TBC1D5: variants seen among roughly 807,000 people sequenced by gnomAD.
TBC1D5 encodes TBC1 domain family, member 5.
Under a neutral mutation model 100.3 loss-of-function variants are expected in TBC1D5, and 75 were observed. The ratio of observed to expected loss-of-function variants is 0.75; its 90% confidence interval spans 0.62 to 0.91. The LOEUF is 0.91. Ranked by LOEUF, TBC1D5 falls within the 40% of genes least tolerant of loss-of-function variation. TBC1D5 has a pLI of 0.00. For missense variants in TBC1D5, 910 were observed against 942.4 expected (o/e 0.97, Z 0.45); for synonymous variants, 323 against 325.6 (o/e 0.99, Z 0.09).
intron 13 of TBC1D5, among the ~76,000 whole-genome samples, chr3:17,345,038 G>A: frequency 6.6e-6 from 1 of 152,070 alleles, no homozygotes; most frequent in East Asian, 1.9e-4. Context: ...AACACCAAAA[G>A]CAATGGCAAC....
At chr3:17,515,701 C>A (rs1259298276) in intron 2 of TBC1D5, among the ~76,000 whole-genome samples, 1 of 152,122 alleles carries the variant, frequency 6.6e-6, no homozygotes, top group Non-Finnish European at 1.5e-5. Flanking sequence ...ACTTTTCTCG[C>A]ATGCAAGCTG....
chr3:17,481,571 A>G (rs2095502927), intron 3 of TBC1D5, among the ~76,000 whole-genome samples: 1 of 152,220 alleles, frequency 6.6e-6, no homozygotes, highest in Non-Finnish European at 1.5e-5. Context: ...TTCACAGAGT[A>G]TGTCCCAAAT....
At chr3:17,266,010 A>G (rs564301710) in intron 15 of TBC1D5, among the ~76,000 whole-genome samples, 36 of 152,248 alleles carry the variant, frequency 2.4e-4, no homozygotes, top group African/African-American at 7.5e-4. Context: ...ATTCCTAAGG[A>G]GACAGTTTGT....
At chr3:17,345,620 C>A (rs1163076619) in intron 13 of TBC1D5, among the ~76,000 whole-genome samples, 1 of 151,584 alleles carries the variant, frequency 6.6e-6, no homozygotes, top group East Asian at 1.9e-4. Flanking sequence ...CACATGCACA[C>A]GTATGTTTAT....
intron 2 of TBC1D5, among the ~76,000 whole-genome samples, chr3:17,580,982 C>T (rs1300949636): frequency 6.6e-6 from 1 of 152,154 alleles, no homozygotes; most frequent in East Asian, 1.9e-4. Flanking sequence ...GGCTGTGCCC[C>T]CACCTAAATC....
chr3:17,265,578 T>A (rs546475391), intron 15 of TBC1D5, among the ~76,000 whole-genome samples: 1 of 152,266 alleles, frequency 6.6e-6, no homozygotes, highest in Non-Finnish European at 1.5e-5. Flanking sequence ...CAGCTGTTTA[T>A]AAGCAAAAAG....
At chr3:17,685,121 A>T (rs1352001916) in intron 1 of TBC1D5, among the ~76,000 whole-genome samples, 1 of 152,084 alleles carries the variant, frequency 6.6e-6, no homozygotes, top group African/African-American at 2.4e-5. Flanking sequence ...TGCACATAAT[A>T]CACAAACATT....
At position 17,469,791 on chromosome 3, in the gene TBC1D5, CATT is replaced by C. The variant is rs552700989; in HGVS notation, c.97+38680_97+38682del. The stretch of plus-strand genomic sequence containing the variant: ...TTTGATGTATTTTGCTGAAGGAAGA[CATT>C]ATTCAGTTATGTGGCCTAATGTCAA... On this transcript the variant is annotated intron_variant, in intron 3 of 21. Transcript: ENST00000253692. Among the ~76,000 whole-genome samples the C allele has an allele frequency of 3.6e-3, 556 of 152,334 alleles. 1 individual carries two copies. Among genetic ancestry groups the C allele is most frequent in the Non-Finnish European group, 5.7e-3 (390 of 68,026 alleles).
exon 22 of TBC1D5, chr3:17,160,378 CT>C (rs561313272): frequency 0.013 from 1,859 of 145,948 alleles, 27 homozygotes; most frequent in African/African-American, 0.031. Context: ...GAGGTTTTTT[CT>C]TTTTTTTTTT....
intron 4 of TBC1D5, among the ~76,000 whole-genome samples, chr3:17,426,098 T>C (rs1374978170): frequency 6.6e-6 from 1 of 152,136 alleles, no homozygotes; most frequent in Non-Finnish European, 1.5e-5. Flanking sequence ...GTTTAAATAA[T>C]ACAAAGGTAG....
intron 1 of TBC1D5, among the ~76,000 whole-genome samples, chr3:17,635,206 CAGG>C (rs2063804790): frequency 1.3e-5 from 2 of 152,044 alleles, no homozygotes; most frequent in South Asian, 2.1e-4. Flanking sequence ...AGAGAAAGAA[CAGG>C]AGGTCAGTTT....
At chr3:17,660,678 A>T (rs2153741919) in intron 1 of TBC1D5, among the ~76,000 whole-genome samples, 1 of 152,360 alleles carries the variant, frequency 6.6e-6, no homozygotes, top group Admixed American at 6.5e-5. Flanking sequence ...AAATTTAAAA[A>T]GACAGGTAAG....
At chr3:17,550,484 C>T (rs2096462745) in intron 2 of TBC1D5, among the ~76,000 whole-genome samples, 1 of 151,352 alleles carries the variant, frequency 6.6e-6, no homozygotes, top group South Asian at 2.1e-4. Flanking sequence ...TTAAACAAGA[C>T]TCAATAAATA....
chr3:17,348,803 T>C (rs2090219867), intron 13 of TBC1D5, among the ~76,000 whole-genome samples: 1 of 152,186 alleles, frequency 6.6e-6, no homozygotes. Context: ...GTTCTCTTCA[T>C]TCTAAGTGTA....
chr3:17,669,426 T>C (rs2067673573), intron 1 of TBC1D5, among the ~76,000 whole-genome samples: 1 of 152,144 alleles, frequency 6.6e-6, no homozygotes, highest in African/African-American at 2.4e-5. Context: ...ATATATATAG[T>C]ACAAAATACA....
chr3:17,259,815 G>A (rs1303114172), intron 15 of TBC1D5, among the ~76,000 whole-genome samples: 1 of 152,028 alleles, frequency 6.6e-6, no homozygotes, highest in Non-Finnish European at 1.5e-5. Flanking sequence ...TTCTTTTTCT[G>A]CTGAAAGGAG....
At chr3:17,499,250 T>G (rs1454852899) in intron 3 of TBC1D5, among the ~76,000 whole-genome samples, 1 of 152,166 alleles carries the variant, frequency 6.6e-6, no homozygotes, top group Non-Finnish European at 1.5e-5. Flanking sequence ...TGGAGGATTA[T>G]ACTTGTAAGG....
chr3:17,224,461 C>T (rs986510960), intron 17 of TBC1D5, among the ~76,000 whole-genome samples: 5 of 152,110 alleles, frequency 3.3e-5, no homozygotes, highest in African/African-American at 1.2e-4. Flanking sequence ...AAATTATTGA[C>T]AAATTTTACA....
intron 1 of TBC1D5, among the ~76,000 whole-genome samples, chr3:17,698,700 A>G (rs1442050369): frequency 6.7e-6 from 1 of 150,060 alleles, no homozygotes; most frequent in Non-Finnish European, 1.5e-5. Context: ...TTTACAAGAA[A>G]AAAACAAACA....
Sources: allele counts gnomAD v4.1 joint callset (sites outside exome capture counted in the v4.1 genomes callset), GRCh38; gene constraint gnomAD v4.1.1; transcripts MANE v1.5; gene names NCBI Gene and HGNC (gene_info 2026-07-23, HGNC 2026-07-21).